STPG2: variants seen among roughly 807,000 people sequenced by gnomAD.
STPG2 encodes the protein sperm tail PG-rich repeat containing 2, also known as sperm-tail PG-rich repeat-containing protein 2.
A neutral mutation model predicts 54.2 loss-of-function variants in STPG2; 56 were observed. The ratio of observed to expected loss-of-function variants is 1.03; its 90% CI spans 0.83 to 1.29. STPG2 has a LOEUF of 1.29. STPG2 is among the 50% of genes most tolerant of loss of function. STPG2 has a pLI of 0.00. For synonymous variants in STPG2, 200 were observed against 181.8 expected, an observed-to-expected ratio of 1.10 and a Z score of -0.81; for missense variants, 596 against 544.9, an observed-to-expected ratio of 1.09 and a Z score of -0.93.
intron 7 of STPG2, among the ~76,000 whole-genome samples, chr4:97,956,280 G>C (rs1394639181): frequency 6.6e-6 from 1 of 151,786 alleles, no homozygotes; most frequent in Admixed American, 6.6e-5. Flanking sequence ...TAAAAGAATA[G>C]TAAAAAAACT....
intron 10 of STPG2, among the ~76,000 whole-genome samples, chr4:97,564,346 T>G (rs1285196622): frequency 2.0e-5 from 3 of 152,190 alleles, no homozygotes; most frequent in African/African-American, 7.2e-5. Context: ...TGAGATGGGT[T>G]TCCTGAATAC....
chr4:97,503,670 TTAAATATACATTAAGTAGCA>T (rs1730780981), intron 4 of STPG2, among the ~76,000 whole-genome samples: 1 of 151,002 alleles, frequency 6.6e-6, no homozygotes, highest in Non-Finnish European at 1.5e-5. Flanking sequence ...CTCCTTATGT[TTAAATATACATTAAGTAGCA>T]TTTTAATAAG....
intron 5 of STPG2, among the ~76,000 whole-genome samples, chr4:98,013,264 C>A (rs1465229166): frequency 2.6e-5 from 4 of 152,178 alleles, no homozygotes. Flanking sequence ...TATTCATTTG[C>A]ATATGTTAAA....
At chr4:97,923,744 A>G (rs1342315082) in intron 8 of STPG2, among the ~76,000 whole-genome samples, 1 of 152,172 alleles carries the variant, frequency 6.6e-6, no homozygotes, top group Non-Finnish European at 1.5e-5. Flanking sequence ...TAAATGCACC[A>G]ATCAGCACTC....
At chr4:98,081,407 G>A (rs1738337554) in intron 5 of STPG2, among the ~76,000 whole-genome samples, 2 of 134,724 alleles carry the variant, frequency 1.5e-5, no homozygotes, top group African/African-American at 5.7e-5. Flanking sequence ...TGAGTCAAGG[G>A]AAAATGAGAG....
intron 9 of STPG2, among the ~76,000 whole-genome samples, chr4:97,732,895 C>T (rs1445154788): frequency 1.3e-5 from 2 of 152,108 alleles, no homozygotes; most frequent in Non-Finnish European, 2.9e-5. Flanking sequence ...TACTACTTTA[C>T]TCCTGTAAGA....
intron 7 of STPG2, among the ~76,000 whole-genome samples, chr4:97,951,504 C>A (rs1187412273): frequency 6.6e-6 from 1 of 150,832 alleles, no homozygotes; most frequent in Non-Finnish European, 1.5e-5. Context: ...TTTTTTATTT[C>A]TTTTTCCCCC....
chr4:97,878,388 C>CAGAAGGCAAGAAATAA (rs1730252907), intron 8 of STPG2, among the ~76,000 whole-genome samples: 1 of 152,212 alleles, frequency 6.6e-6, no homozygotes, highest in African/African-American at 2.4e-5. Context: ...GGGCCCCACC[C>CAGAAGGCAAGAAATAA]CTGCAGCAAA....
intron 10 of STPG2, among the ~76,000 whole-genome samples, chr4:97,607,617 C>A (rs1315920977): frequency 6.6e-6 from 1 of 152,066 alleles, no homozygotes; most frequent in Non-Finnish European, 1.5e-5. Flanking sequence ...ATTGCCCGAA[C>A]TAACTAGATG....
intron 10 of STPG2, among the ~76,000 whole-genome samples, chr4:97,710,609 G>A (rs770283186): frequency 4.8e-4 from 73 of 151,960 alleles, no homozygotes; most frequent in Admixed American, 7.2e-4. Flanking sequence ...GTTAAAAAAC[G>A]TAAAAAGTTT....
At chr4:97,775,153 T>C (rs778482256) in intron 9 of STPG2, among the ~76,000 whole-genome samples, 1 of 152,114 alleles carries the variant, frequency 6.6e-6, no homozygotes, top group Non-Finnish European at 1.5e-5. Flanking sequence ...AAGCATATGA[T>C]AGAGAAAGGG....
At chr4:98,086,848 C>T (rs1738534031) in intron 5 of STPG2, among the ~76,000 whole-genome samples, 1 of 152,110 alleles carries the variant, frequency 6.6e-6, no homozygotes, top group Non-Finnish European at 1.5e-5. Flanking sequence ...CTTTATTGGT[C>T]TGCCAAATGA....
chr4:98,030,799 T>A (rs1038651949), intron 5 of STPG2, among the ~76,000 whole-genome samples: 7 of 152,200 alleles, frequency 4.6e-5, no homozygotes, highest in African/African-American at 1.7e-4. Context: ...GATTTTCTAT[T>A]CATTAAACGG....
intron 8 of STPG2, among the ~76,000 whole-genome samples, chr4:97,900,504 A>G (rs1351403269): frequency 6.6e-6 from 1 of 152,102 alleles, no homozygotes; most frequent in African/African-American, 2.4e-5. Context: ...TCACAATACC[A>G]AAGACATGGA....
chr4:97,946,953 A>G (rs572091603), intron 7 of STPG2, among the ~76,000 whole-genome samples: 1 of 152,232 alleles, frequency 6.6e-6, no homozygotes, highest in South Asian at 2.1e-4. Context: ...TTTGATAGGA[A>G]TTGCATTGAA....
intron 4 of STPG2, among the ~76,000 whole-genome samples, chr4:97,538,914 A>G (rs1731614628): frequency 1.3e-5 from 2 of 152,226 alleles, no homozygotes; most frequent in African/African-American, 2.4e-5. Context: ...AAGAATTTTC[A>G]ACCCAGAATT....
At chr4:97,511,286 TA>T (rs1047940913) in intron 4 of STPG2, among the ~76,000 whole-genome samples, 7 of 151,818 alleles carry the variant, frequency 4.6e-5, no homozygotes, top group African/African-American at 1.5e-4. Flanking sequence ...TACAAAATAC[TA>T]ATTAAAATCA....
intron 5 of STPG2, among the ~76,000 whole-genome samples, chr4:98,052,955 G>A (rs555440304): frequency 2.0e-5 from 3 of 152,250 alleles, no homozygotes; most frequent in Admixed American, 1.3e-4. Context: ...CACTGAGGAA[G>A]GGAAAATACA....
rs571812768 is a variant in STPG2 at position 98,006,971 on chromosome 4, C to A, written c.613-25653G>T. Among the ~76,000 whole-genome samples, 5 of 152,230 alleles carry A rather than the reference C, an allele frequency of 3.3e-5. No individual in the cohort carries two copies. In the East Asian group the frequency reaches 9.7e-4, roughly 30 times the overall value. ...CCTAGGCTTATCTCCAGGCATCTGG[C>A]AACTGCCCCCCAGATCCCTGTCAGA... On this transcript the variant is annotated intron_variant, in intron 5 of 10. Transcript: ENST00000295268.
Sources: allele counts gnomAD v4.1 joint callset (sites outside exome capture counted in the v4.1 genomes callset), GRCh38; gene constraint gnomAD v4.1.1; transcripts MANE v1.5; gene names NCBI Gene and HGNC (gene_info 2026-07-23, HGNC 2026-07-21).